Variants in CHD9 observed in about 807,000 individuals in gnomAD.
The protein encoded by CHD9 is chromodomain helicase DNA binding protein 9.
Under a neutral mutation model 316.1 loss-of-function variants are expected in CHD9, and 77 were observed. The observed-to-expected ratio is 0.24, with a 90% CI of 0.20 to 0.29. The LOEUF (loss-of-function observed/expected upper bound fraction) is 0.29, where lower values mean the gene tolerates loss of function less well. Ranked by LOEUF, CHD9 falls within the 10% of genes least tolerant of loss-of-function variation. The pLI is 1.00. For synonymous variants in CHD9, 1,129 were observed against 1,158.3 expected, an observed-to-expected ratio of 0.97 and a Z score of 0.51; for missense variants, 2,763 against 3,438.1, an observed-to-expected ratio of 0.80 and a Z score of 4.91.
chr16:53,233,907 G>A (rs1414665189), intron 10 of CHD9, among the ~76,000 whole-genome samples: 1 of 152,110 alleles, frequency 6.6e-6, no homozygotes, highest in Non-Finnish European at 1.5e-5. Context: ...CCTTTTGCTT[G>A]TTTCTCAGAA....
At chr16:53,096,718 A>G (rs2036408834) in intron 1 of CHD9, among the ~76,000 whole-genome samples, 1 of 152,174 alleles carries the variant, frequency 6.6e-6, no homozygotes, top group South Asian at 2.1e-4. Flanking sequence ...AACACTTGAA[A>G]CTGGATAATT....
chr16:53,157,738 ATAGAT>A (rs2041621751), intron 2 of CHD9, among the ~76,000 whole-genome samples, 197 bp downstream of exon 2: 1 of 152,218 alleles, frequency 6.6e-6, no homozygotes. Context: ...GCTCAAAGCA[ATAGAT>A]TAGCTTCTAT....
chr16:53,213,878 C>G (rs866181126), intron 3 of CHD9, among the ~76,000 whole-genome samples: 10 of 152,140 alleles, frequency 6.6e-5, no homozygotes, highest in Middle Eastern at 6.8e-3. Flanking sequence ...CAATTATTGT[C>G]CTTTATGATT....
intron 1 of CHD9, among the ~76,000 whole-genome samples, chr16:53,133,629 C>T (rs1381159223): frequency 2.0e-5 from 3 of 152,136 alleles, no homozygotes; most frequent in Middle Eastern, 3.2e-3. Flanking sequence ...TTGTAGGATT[C>T]TAAGTACCCT....
At chr16:53,160,029 CAT>C (rs1264463320) in intron 2 of CHD9, among the ~76,000 whole-genome samples, 1 of 152,120 alleles carries the variant, frequency 6.6e-6, no homozygotes, top group Non-Finnish European at 1.5e-5. Flanking sequence ...CTTTTTATGA[CAT>C]GAGTTGAGTA....
At chr16:53,149,901 T>C (rs1331821574) in intron 1 of CHD9, among the ~76,000 whole-genome samples, 1 of 151,846 alleles carries the variant, frequency 6.6e-6, no homozygotes, top group Admixed American at 6.6e-5. Context: ...TTTTGTTTGA[T>C]ACTAATATCC....
intron 34 of CHD9, chr16:53,311,317 T>C (rs2056460210): frequency 6.6e-6 from 1 of 152,250 alleles, no homozygotes; most frequent in South Asian, 2.1e-4. Context: ...TCTAGATCTT[T>C]ATTCCTATGT....
intron 12 of CHD9, 126 bp from the exon 13 acceptor site, chr16:53,242,714 G>A: frequency 4.0e-6 from 3 of 749,630 alleles, no homozygotes; most frequent in Non-Finnish European, 6.7e-6. Flanking sequence ...TTGTAAGGGA[G>A]TGTCTGCATA....
intron 1 of CHD9, among the ~76,000 whole-genome samples, chr16:53,075,935 G>GT (rs949544693): frequency 2.0e-5 from 3 of 151,990 alleles, no homozygotes; most frequent in African/African-American, 7.3e-5. Context: ...GTTATTTTCT[G>GT]TTTTTTTCAG....
At chr16:53,228,908 G>T (rs2047915738) in intron 7 of CHD9, 75 bp from the exon 8 acceptor site, 1 of 654,648 alleles carries the variant, frequency 1.5e-6, no homozygotes, top group Non-Finnish European at 2.6e-6. Context: ...GTTTATATTG[G>T]ATGTTATGAT....
chr16:53,210,678 A>G (rs2046263142), intron 3 of CHD9, among the ~76,000 whole-genome samples: 1 of 152,042 alleles, frequency 6.6e-6, no homozygotes, highest in African/African-American at 2.4e-5. Context: ...TTTTTCACAA[A>G]AAGTCCGCAA....
chr16:53,088,887 G>T (rs1222273796), intron 1 of CHD9, among the ~76,000 whole-genome samples: 1 of 152,012 alleles, frequency 6.6e-6, no homozygotes, highest in Non-Finnish European at 1.5e-5. Context: ...GCTGAGGCAG[G>T]CGGATCATGA....
intron 1 of CHD9, chr16:53,121,279 A>T: frequency 2.3e-6 from 1 of 441,310 alleles, no homozygotes. Flanking sequence ...CATCCTTTTG[A>T]TCTCTCCAAA....
At chr16:53,154,727 A>G (rs931449851) in intron 1 of CHD9, among the ~76,000 whole-genome samples, 1 of 152,196 alleles carries the variant, frequency 6.6e-6, no homozygotes, top group African/African-American at 2.4e-5. Flanking sequence ...GGCGGAGCTC[A>G]GGCAGTAATG....
intron 2 of CHD9, among the ~76,000 whole-genome samples, chr16:53,182,092 A>G (rs1027587361): frequency 6.6e-6 from 1 of 152,202 alleles, no homozygotes; most frequent in Non-Finnish European, 1.5e-5. Context: ...TATTTTTACT[A>G]TGCATGATTA....
intron 27 of CHD9, among the ~76,000 whole-genome samples, chr16:53,289,885 T>C (rs1245398299): frequency 6.6e-6 from 1 of 152,162 alleles, no homozygotes; most frequent in Non-Finnish European, 1.5e-5. Context: ...AAGGAAGATT[T>C]TCCTGGGAAA....
At chr16:53,127,552 A>C (rs929424794) in intron 1 of CHD9, among the ~76,000 whole-genome samples, 1 of 152,140 alleles carries the variant, frequency 6.6e-6, no homozygotes, top group African/African-American at 2.4e-5. Context: ...TCTAAGTGTG[A>C]ATATTGTTTC....
In CHD9 at chr16:53,157,009, G is replaced by A. The variant is rs1386180061; in HGVS notation, c.920G>A (p.Gly307Glu). The A allele has an allele frequency of 6.2e-6, 10 of 1,612,570 alleles. No homozygotes were observed. Among genetic ancestry groups the A allele is most frequent in the African/African-American group, 1.3e-5 (1 of 74,852 alleles). Residue 307 changes from glycine to glutamate, a missense_variant, in exon 2 of 39, where the codon GGA (glycine) becomes GAA (glutamate). Gly to Glu is a moderately conservative substitution (Grantham distance 98, BLOSUM62 -2). Transcript: ENST00000447540. ...AATCAGACTTTATCTGATTTTACTG[G>A]AAGTAATTCCTTTTCACCTCATAGA... ...HTNQTLSDFT[G>E]SNSFSPHRGI...
rs189736876 is a variant in CHD9 at position 53,294,310 on chromosome 16, A to T, written c.5510+1258A>T. Among the ~76,000 whole-genome samples the T allele has an allele frequency of 1.4e-3, 220 of 152,324 alleles. 1 individual carries two copies. The highest frequency in any genetic ancestry group is 3.8e-3 in the African/African-American group (160 of 41,572). Reference sequence around the variant, plus strand: ...TTGTTGTTTCATTTGCAGCACAGTGATCATAAAATTTAGTCTGACACTTAA... The same window carrying T: ...TTGTTGTTTCATTTGCAGCACAGTGTTCATAAAATTTAGTCTGACACTTAA... On this transcript the variant is annotated intron_variant, in intron 29 of 38. Transcript: ENST00000447540.
Sources: gnomAD v4.1 joint callset for allele counts (sites outside exome capture counted in the v4.1 genomes callset) on GRCh38, gnomAD v4.1.1 for gene constraint, MANE v1.5 for transcripts, NCBI Gene and HGNC (gene_info 2026-07-23, HGNC 2026-07-21) for gene names.